Variants in RELN observed in about 807,000 individuals in gnomAD.
RELN encodes the protein reelin.
In RELN, 108 loss-of-function variants were observed where a neutral mutation model predicts 427.6. That is an observed-to-expected ratio of 0.25 (90% confidence interval 0.22 to 0.30). The LOEUF (loss-of-function observed/expected upper bound fraction) is 0.30. Ranked by LOEUF, RELN falls within the 10% of genes least tolerant of loss-of-function variation. The pLI, the probability that RELN is intolerant of heterozygous loss-of-function variation, is 1.00. For missense variants in RELN, 3,715 were observed against 4,302.8 expected, an observed-to-expected ratio of 0.86 and a Z score of 3.82; for synonymous variants, 1,524 against 1,513.4, an observed-to-expected ratio of 1.01 and a Z score of -0.16.
At chr7:103,512,487 A>G (rs931805888) in intron 50 of RELN, among the ~76,000 whole-genome samples, 1 of 152,206 alleles carries the variant, frequency 6.6e-6, no homozygotes, top group African/African-American at 2.4e-5. Flanking sequence ...AACAGTTAAC[A>G]CTTTGAGGAA....
chr7:103,507,202 T>C (rs778402611), intron 51 of RELN, among the ~76,000 whole-genome samples: 3 of 152,176 alleles, frequency 2.0e-5, no homozygotes, highest in Non-Finnish European at 4.4e-5. Flanking sequence ...TCTACAGAAC[T>C]CTCCACCTCA....
intron 2 of RELN, among the ~76,000 whole-genome samples, chr7:103,883,797 G>A (rs1457822924): frequency 1.3e-5 from 2 of 152,096 alleles, no homozygotes; most frequent in Admixed American, 6.6e-5. Flanking sequence ...ACAAACAAAT[G>A]GATTAACACT....
intron 40 of RELN, among the ~76,000 whole-genome samples, chr7:103,552,031 T>A (rs761439028): frequency 5.9e-4 from 90 of 152,084 alleles, no homozygotes; most frequent in Non-Finnish European, 1.2e-3. Flanking sequence ...GTCTTCATGC[T>A]GTGCATTGGA....
At chr7:103,804,947 T>C (rs61124913) in intron 3 of RELN, among the ~76,000 whole-genome samples, 39,812 of 151,954 alleles carry the variant, frequency 0.26, 5,294 homozygotes, top group East Asian at 0.35. Context: ...CAATTGTTGC[T>C]CATCAGGAGG....
chr7:103,734,886 A>AT (rs1408648221), intron 6 of RELN, among the ~76,000 whole-genome samples: 1 of 152,128 alleles, frequency 6.6e-6, no homozygotes, highest in East Asian at 1.9e-4. Context: ...TTATAGGGTA[A>AT]TTTTTTTGTT....
rs1447763056 is a variant in RELN, at chr7:103,497,802, T to A, written c.8950+18A>T. ...TGGGAATCTGCTCCAAGGGGTGGTT[T>A]TCACCCCTGACACATGCCTCCATCG... On this transcript the variant is annotated intron_variant, in intron 55 of 64. Coordinates refer to ENST00000428762, the MANE Select transcript of RELN (RefSeq NM_005045.4). 3 of 1,603,452 alleles carry A rather than the reference T, an allele frequency of 1.9e-6. No homozygotes were observed. The highest frequency in any genetic ancestry group is 2.6e-6 in the Non-Finnish European group (3 of 1,170,330).
chr7:103,497,731 T>A, intron 55 of RELN, 89 bp downstream of exon 55: 1 of 1,063,142 alleles, frequency 9.4e-7, no homozygotes, highest in East Asian at 2.4e-5. Context: ...AACTGTGAAG[T>A]CAGCAAAGCT....
rs755902955 is a variant in RELN, at chr7:103,498,250, A to C, written c.8670T>G (p.Thr2890=). 8 of 1,613,792 alleles carry C rather than the reference A, an allele frequency of 5.0e-6. No homozygotes were observed. In the South Asian group the frequency reaches 7.7e-5, roughly 16 times the overall value. ...CACTGTCAAAGCGTTCCTTCAGGAA[A>C]GTCTGGAAATAAAATAAGCCAGATG... is the stretch of plus-strand genomic sequence containing the variant. ...PNCYLTHTLK[T]FLKERFDSEE... The change falls in exon 54 of 65, where the codon ACT becomes ACG. Residue 2890 remains threonine (T), a splice_region_variant and synonymous_variant. Coordinates refer to ENST00000428762, the MANE Select transcript of RELN (RefSeq NM_005045.4).
At chr7:103,971,152 C>CA (rs559162833) in intron 1 of RELN, among the ~76,000 whole-genome samples, 2,457 of 80,642 alleles carry the variant, frequency 0.03, 23 homozygotes, top group Middle Eastern at 0.064. Flanking sequence ...GACTCTATCT[C>CA]AAAAAAAAAA....
intron 11 of RELN, among the ~76,000 whole-genome samples, chr7:103,679,442 G>A (rs1485856749): frequency 1.3e-5 from 2 of 152,148 alleles, no homozygotes; most frequent in Non-Finnish European, 2.9e-5. Context: ...GAGTGGTACG[G>A]TGCTTTTCTC....
intron 20 of RELN, among the ~76,000 whole-genome samples, chr7:103,623,405 C>T (rs1020470800): frequency 2.6e-5 from 4 of 152,100 alleles, no homozygotes; most frequent in African/African-American, 4.8e-5. Context: ...GTTAATGTTT[C>T]GTGAAAGGAA....
At chr7:103,864,245 A>T (rs1349285523) in intron 2 of RELN, among the ~76,000 whole-genome samples, 1 of 152,194 alleles carries the variant, frequency 6.6e-6, no homozygotes, top group East Asian at 1.9e-4. Flanking sequence ...TCAGACCTAC[A>T]TGTATGTGGT....
chr7:103,972,902 G>GTGTGTGTGTC (rs1796794239), intron 1 of RELN, among the ~76,000 whole-genome samples: 1 of 151,858 alleles, frequency 6.6e-6, no homozygotes, highest in African/African-American at 2.4e-5. Flanking sequence ...TTATGTGTGT[G>GTGTGTGTGTC]TGTGTGTGTG....
At chr7:103,861,801 G>C (rs1464590784) in intron 2 of RELN, among the ~76,000 whole-genome samples, 1 of 152,104 alleles carries the variant, frequency 6.6e-6, no homozygotes, top group Non-Finnish European at 1.5e-5. Flanking sequence ...AGAAGATGAG[G>C]AAGTGAAATT....
rs557224895 is a variant in RELN at position 103,677,487 on chromosome 7, C to T, written c.1289+4629G>A. Reference sequence around the variant, plus strand: ...AACAACAGTTGTTCTTAGTGAGGGCCGGGCACGGTGGCTCATGCCTGTAAT... The same window carrying T: ...AACAACAGTTGTTCTTAGTGAGGGCTGGGCACGGTGGCTCATGCCTGTAAT... On this transcript the variant is annotated intron_variant, in intron 11 of 64. Transcript: ENST00000428762. Among the ~76,000 whole-genome samples, 6 of 144,266 alleles carry T rather than the reference C, an allele frequency of 4.2e-5. No individual in the cohort carries two copies. The East Asian group carries it at 6.0e-4, about 14-fold the overall frequency. The allele number at this position is 144,266 out of a possible 152,430, so 94.6% of individuals were successfully genotyped here.
At chr7:103,949,685 C>A (rs1796297117) in intron 1 of RELN, among the ~76,000 whole-genome samples, 1 of 152,146 alleles carries the variant, frequency 6.6e-6, no homozygotes, top group African/African-American at 2.4e-5. Flanking sequence ...GACGCCTGTT[C>A]AAATGTGAGG....
intron 1 of RELN, among the ~76,000 whole-genome samples, chr7:103,978,847 A>G (rs1408188120): frequency 6.6e-6 from 1 of 152,206 alleles, no homozygotes; most frequent in Admixed American, 6.5e-5. Flanking sequence ...TAAAAGTTGT[A>G]ATACCTGCAT....
At chr7:103,777,886 C>CACACACAT (rs1297106237) in intron 3 of RELN, among the ~76,000 whole-genome samples, 1 of 149,120 alleles carries the variant, frequency 6.7e-6, no homozygotes, top group African/African-American at 2.5e-5. Context: ...TATACCTTCA[C>CACACACAT]ACACACACAC....
At chr7:103,579,414 C>T (rs1331781656) in intron 28 of RELN, among the ~76,000 whole-genome samples, 1 of 152,030 alleles carries the variant, frequency 6.6e-6, no homozygotes, top group Non-Finnish European at 1.5e-5. Flanking sequence ...GCCTGGCCAA[C>T]ATGGTGAAAC....
Sources: gnomAD v4.1 joint callset for allele counts (sites outside exome capture counted in the v4.1 genomes callset) on GRCh38, gnomAD v4.1.1 for gene constraint, MANE v1.5 for transcripts, NCBI Gene and HGNC (gene_info 2026-07-23, HGNC 2026-07-21) for gene names.